NYAP2: variants seen among roughly 807,000 people sequenced by gnomAD.
NYAP2 encodes neuronal tyrosine-phosphorylated phosphoinositide-3-kinase adaptor 2.
Under a neutral mutation model 50.4 loss-of-function variants are expected in NYAP2, and 23 were observed. That is an observed-to-expected ratio of 0.46 (90% confidence interval 0.33 to 0.65). The LOEUF (loss-of-function observed/expected upper bound fraction) is 0.65, where lower values mean the gene tolerates loss of function less well. Ranked by LOEUF, NYAP2 falls within the 30% of genes least tolerant of loss-of-function variation. NYAP2 has a pLI of 0.02. For missense variants in NYAP2, 885 were observed against 861.0 expected, an observed-to-expected ratio of 1.03 and a Z score of -0.35; for synonymous variants, 394 against 365.2, an observed-to-expected ratio of 1.08 and a Z score of -0.90.
intron 6 of NYAP2, among the ~76,000 whole-genome samples, chr2:225,628,512 G>A (rs979274884): frequency 5.9e-5 from 9 of 151,728 alleles, no homozygotes; most frequent in African/African-American, 2.2e-4. Context: ...TAATAGAGAC[G>A]GGGTTTCACT....
chr2:225,659,813 A>G, the NYAP2 span, among the ~76,000 whole-genome samples: 1 of 152,232 alleles, frequency 6.6e-6, no homozygotes, highest in East Asian at 1.9e-4. Context: ...CTTGTGGGAA[A>G]AAAATATTAA....
intron 4 of NYAP2, among the ~76,000 whole-genome samples, chr2:225,550,421 T>A (rs1162991946): frequency 6.6e-6 from 1 of 152,216 alleles, no homozygotes; most frequent in African/African-American, 2.4e-5. Flanking sequence ...TCTATTAGAT[T>A]TGGCAATATT....
chr2:225,415,283 G>T (rs1266466722), intron 3 of NYAP2, among the ~76,000 whole-genome samples: 1 of 151,940 alleles, frequency 6.6e-6, no homozygotes, highest in East Asian at 1.9e-4. Context: ...TACTCAAAAA[G>T]AACCACTAAA....
At chr2:225,643,090 T>A (rs1693561009) in intron 6 of NYAP2, among the ~76,000 whole-genome samples, 1 of 152,172 alleles carries the variant, frequency 6.6e-6, no homozygotes, top group Non-Finnish European at 1.5e-5. Flanking sequence ...TTTGAGGTCA[T>A]TCAATTATTT....
chr2:225,656,249 G>A (rs1161490271), downstream of NYAP2, among the ~76,000 whole-genome samples: 1 of 152,104 alleles, frequency 6.6e-6, no homozygotes, highest in Admixed American at 6.5e-5. Context: ...TGCCTCTGAA[G>A]CCATGATCTC....
intron 4 of NYAP2, among the ~76,000 whole-genome samples, chr2:225,556,683 A>G (rs1691781649): frequency 6.6e-6 from 1 of 152,198 alleles, no homozygotes; most frequent in South Asian, 2.1e-4. Context: ...AATAGTTTGT[A>G]CAGTCTCTGG....
intron 3 of NYAP2, among the ~76,000 whole-genome samples, chr2:225,498,766 T>C (rs530988153): frequency 6.6e-6 from 1 of 152,252 alleles, no homozygotes; most frequent in African/African-American, 2.4e-5. Flanking sequence ...TCTGTATATA[T>C]AGGAAGTATA....
chr2:225,582,596 G>A lies in NYAP2; in HGVS notation c.1179G>A (p.Leu393=). 5 of 1,598,218 alleles carry A rather than the reference G, an allele frequency of 3.1e-6. No individual in the cohort carries two copies. The highest frequency in any genetic ancestry group is 4.3e-6 in the Non-Finnish European group (5 of 1,173,102). ...CCCACGTCCCCGGCCATGCGAAACT[G>A]GAGAAAGAGCAGGCCGCGGCCCTGG... The change falls in exon 5 of 7, where the codon CTG becomes CTA. Residue 393 remains leucine (L), a synonymous_variant. Coordinates refer to ENST00000636099, the Ensembl canonical transcript of NYAP2. This position sits in a 1 kb window ranked among gnomAD's most constrained non-coding sequence, Gnocchi z 7.0.
chr2:225,453,970 C>A (rs1689695133), intron 3 of NYAP2, among the ~76,000 whole-genome samples: 1 of 151,768 alleles, frequency 6.6e-6, no homozygotes, highest in South Asian at 2.1e-4. Flanking sequence ...AGTCACCGCG[C>A]CTGGCCATCT....
intron 4 of NYAP2, among the ~76,000 whole-genome samples, chr2:225,528,387 C>G (rs1470385994): frequency 6.6e-6 from 1 of 152,040 alleles, no homozygotes; most frequent in Non-Finnish European, 1.5e-5. Context: ...TCCTTTGCTC[C>G]ACATAATGGA....
At chr2:225,655,818 A>G (rs754129321), downstream of NYAP2, among the ~76,000 whole-genome samples, 23 of 151,394 alleles carry the variant, frequency 1.5e-4, no homozygotes, top group South Asian at 6.3e-4. Context: ...TCCTTGGAAA[A>G]ATGTTCCCAA....
intron 4 of NYAP2, among the ~76,000 whole-genome samples, chr2:225,526,142 A>G (rs1252816050): frequency 6.6e-6 from 1 of 152,244 alleles, no homozygotes; most frequent in Non-Finnish European, 1.5e-5. Context: ...TGAGCAGAGA[A>G]CATAGCCTTT....
At chr2:225,409,519 G>A (rs971867831) in intron 3 of NYAP2, among the ~76,000 whole-genome samples, 3 of 152,096 alleles carry the variant, frequency 2.0e-5, no homozygotes, top group Non-Finnish European at 4.4e-5. Context: ...TTATGGCCAA[G>A]ATACATCAAT....
At chr2:225,401,374 G>A (rs903154554) in intron 2 of NYAP2, among the ~76,000 whole-genome samples, 1 of 152,044 alleles carries the variant, frequency 6.6e-6, no homozygotes, top group African/African-American at 2.4e-5. Context: ...AGTTGTGCAT[G>A]CTAGCTATTT....
chr2:225,575,177 C>T (rs1261367225), intron 4 of NYAP2, among the ~76,000 whole-genome samples: 1 of 152,092 alleles, frequency 6.6e-6, no homozygotes, highest in Non-Finnish European at 1.5e-5. Context: ...GCCAATTTTT[C>T]CCCAATATAT....
intron 4 of NYAP2, among the ~76,000 whole-genome samples, chr2:225,515,043 T>G (rs1210773973): frequency 6.6e-6 from 1 of 152,302 alleles, no homozygotes; most frequent in East Asian, 1.9e-4. Context: ...TCCCATCATC[T>G]TTGTCTCTCC....
At chr2:225,474,830 A>G (rs1473712375) in intron 3 of NYAP2, among the ~76,000 whole-genome samples, 1 of 152,216 alleles carries the variant, frequency 6.6e-6, no homozygotes, top group Non-Finnish European at 1.5e-5. Flanking sequence ...GGCCCTGGCC[A>G]AAACTTCCAA....
chr2:225,648,278 G>A (rs551551023), intron 6 of NYAP2, among the ~76,000 whole-genome samples: 20 of 152,268 alleles, frequency 1.3e-4, no homozygotes, highest in African/African-American at 4.8e-4. Context: ...TGGGTTACAG[G>A]TGTGAGCCAC....
chr2:225,415,241 C>G (rs971174936), intron 3 of NYAP2, among the ~76,000 whole-genome samples: 4 of 152,090 alleles, frequency 2.6e-5, no homozygotes, highest in Non-Finnish European at 1.5e-5. Context: ...TACTTGAAAG[C>G]TATCTGTATT....
Sources: allele counts gnomAD v4.1 joint callset (sites outside exome capture counted in the v4.1 genomes callset), GRCh38; gene constraint gnomAD v4.1.1; non-coding constraint Gnocchi (gnomAD v3.1); transcripts MANE v1.5; gene names NCBI Gene and HGNC (gene_info 2026-07-23, HGNC 2026-07-21).